The following EXOC6B variants were observed in gnomAD, a reference collection of about 807,000 sequenced individuals.
EXOC6B encodes the protein SEC15 homolog B.
Under a neutral mutation model 113.5 loss-of-function variants are expected in EXOC6B, and 54 were observed. The ratio of observed to expected loss-of-function variants is 0.48; its 90% CI spans 0.38 to 0.60. The LOEUF is 0.60. Ranked by LOEUF, EXOC6B falls within the 20% of genes least tolerant of loss-of-function variation. EXOC6B has a pLI of 0.00. For synonymous variants in EXOC6B, 357 were observed against 339.0 expected, an observed-to-expected ratio of 1.05 and a Z score of -0.58; for missense variants, 797 against 977.5, an observed-to-expected ratio of 0.82 and a Z score of 2.46.
intron 8 of EXOC6B, among the ~76,000 whole-genome samples, chr2:72,535,433 T>A (rs1241486403): frequency 6.6e-6 from 1 of 152,234 alleles, no homozygotes; most frequent in Non-Finnish European, 1.5e-5. Flanking sequence ...GAGGGGTACA[T>A]ACTCCATGCT....
chr2:72,531,468 CA>C (rs1330208349), intron 8 of EXOC6B, among the ~76,000 whole-genome samples: 1 of 152,174 alleles, frequency 6.6e-6, no homozygotes, highest in African/African-American at 2.4e-5. Flanking sequence ...ACACTCTTAA[CA>C]ACTGTAAAAT....
intron 6 of EXOC6B, among the ~76,000 whole-genome samples, chr2:72,649,377 A>T (rs1022288180): frequency 6.6e-6 from 1 of 152,198 alleles, no homozygotes; most frequent in Non-Finnish European, 1.5e-5. Context: ...TTGTAACACA[A>T]AAAGCAAATG....
intron 8 of EXOC6B, among the ~76,000 whole-genome samples, chr2:72,523,222 T>A (rs1701583858): frequency 1.3e-5 from 2 of 152,150 alleles, no homozygotes; most frequent in Non-Finnish European, 2.9e-5. Flanking sequence ...AATCACATGA[T>A]CCCATTCTTG....
intron 8 of EXOC6B, among the ~76,000 whole-genome samples, chr2:72,543,244 A>G (rs545448574): frequency 2.6e-5 from 4 of 152,308 alleles, no homozygotes; most frequent in African/African-American, 9.6e-5. Context: ...TACAGACTAT[A>G]TAAAAAAACT....
chr2:72,206,773 T>C (rs2104363959), intron 20 of EXOC6B, among the ~76,000 whole-genome samples: 1 of 152,330 alleles, frequency 6.6e-6, no homozygotes, highest in East Asian at 1.9e-4. Flanking sequence ...TGGAATGTGC[T>C]GGAACAGAAT....
At chr2:72,597,953 C>G (rs1225206877) in intron 6 of EXOC6B, among the ~76,000 whole-genome samples, 1 of 151,876 alleles carries the variant, frequency 6.6e-6, no homozygotes, top group Admixed American at 6.6e-5. Flanking sequence ...CAAAAACTGA[C>G]AGAACTTCAA....
rs146573352 is a variant in EXOC6B, at chr2:72,397,660, T to TAAAATAAAAAAA, written c.1981-17791_1981-17790insTTTTTTTATTTT. On this transcript the variant is annotated intron_variant, in intron 18 of 21. Coordinates refer to ENST00000272427, the MANE Select transcript of EXOC6B (RefSeq NM_015189.3). ...TAAAATAAAATAAAATAAAATAAAA[T>TAAAATAAAAAAA]TATATATATATACACTCATATATTC... is the stretch of plus-strand genomic sequence containing the variant. 1.9e-3 allele frequency among the ~76,000 whole-genome samples: 263 copies of TAAAATAAAAAAA among 139,796 alleles called. 9 individuals are homozygous for TAAAATAAAAAAA. The highest frequency in any genetic ancestry group is 6.3e-3 in the African/African-American group (209 of 33,102). The allele number at this position is 139,796 out of a possible 152,430, so 91.7% of individuals were successfully genotyped here.
At chr2:72,431,978 T>C (rs991588138) in intron 18 of EXOC6B, among the ~76,000 whole-genome samples, 2 of 152,164 alleles carry the variant, frequency 1.3e-5, no homozygotes, top group African/African-American at 4.8e-5. Flanking sequence ...ACATGACTCA[T>C]CCCTTTTTAT....
chr2:72,408,446 C>T (rs193001419), intron 18 of EXOC6B, among the ~76,000 whole-genome samples: 123 of 152,276 alleles, frequency 8.1e-4, no homozygotes, highest in East Asian at 3.3e-3. Context: ...GGAGGCATCA[C>T]GCTACCTGAC....
At chr2:72,365,924 T>C (rs1690598549) in intron 19 of EXOC6B, among the ~76,000 whole-genome samples, 1 of 152,102 alleles carries the variant, frequency 6.6e-6, no homozygotes. Context: ...ATGGACCCAC[T>C]AGATACTTAA....
intron 16 of EXOC6B, among the ~76,000 whole-genome samples, chr2:72,489,028 A>G (rs538808068): frequency 1.8e-4 from 28 of 152,222 alleles, no homozygotes; most frequent in African/African-American, 6.3e-4. Context: ...CTTGCCAAGA[A>G]CTTTCCTACC....
intron 6 of EXOC6B, among the ~76,000 whole-genome samples, chr2:72,641,163 G>T (rs559578879): frequency 6.6e-6 from 1 of 152,350 alleles, no homozygotes; most frequent in Non-Finnish European, 1.5e-5. Context: ...AGAAGACGGT[G>T]ATTTTTGCAT....
chr2:72,429,779 C>G (rs938201919), intron 18 of EXOC6B, among the ~76,000 whole-genome samples: 7 of 152,114 alleles, frequency 4.6e-5, no homozygotes, highest in African/African-American at 2.4e-5. Context: ...AGAACAGCCC[C>G]CACAACAAAG....
At chr2:72,789,269 A>G (rs750581179) in intron 1 of EXOC6B, among the ~76,000 whole-genome samples, 4 of 152,230 alleles carry the variant, frequency 2.6e-5, no homozygotes, top group Non-Finnish European at 5.9e-5. Context: ...ATTGCCAATC[A>G]TTATGATCAA....
chr2:72,590,588 C>T (rs1404508625), intron 6 of EXOC6B, among the ~76,000 whole-genome samples: 1 of 152,008 alleles, frequency 6.6e-6, no homozygotes, highest in Non-Finnish European at 1.5e-5. Flanking sequence ...TCATTCACTT[C>T]ACTTTACGTA....
chr2:72,305,524 A>G (rs747717335), intron 20 of EXOC6B, among the ~76,000 whole-genome samples: 1 of 152,132 alleles, frequency 6.6e-6, no homozygotes, highest in Non-Finnish European at 1.5e-5. Flanking sequence ...CAAATTATTC[A>G]GCTCAGAATG....
chr2:72,580,763 T>A (rs1306403956), intron 6 of EXOC6B, among the ~76,000 whole-genome samples: 1 of 152,170 alleles, frequency 6.6e-6, no homozygotes, highest in Admixed American at 6.5e-5. Flanking sequence ...AATACCAGAA[T>A]GTGGAACCCC....
At chr2:72,419,104 G>A (rs930999256) in intron 18 of EXOC6B, among the ~76,000 whole-genome samples, 5 of 152,000 alleles carry the variant, frequency 3.3e-5, no homozygotes, top group African/African-American at 7.2e-5. Flanking sequence ...TTTATAGCTC[G>A]ATCTCCACCC....
chr2:72,629,787 C>G (rs1672274101), intron 6 of EXOC6B, among the ~76,000 whole-genome samples: 1 of 152,160 alleles, frequency 6.6e-6, no homozygotes, highest in East Asian at 1.9e-4. Flanking sequence ...GAATTACCTT[C>G]CAATTTGTAA....
Sources: gnomAD v4.1 joint callset for allele counts (sites outside exome capture counted in the v4.1 genomes callset) on GRCh38, gnomAD v4.1.1 for gene constraint, MANE v1.5 for transcripts, NCBI Gene and HGNC (gene_info 2026-07-23, HGNC 2026-07-21) for gene names.